The following PLA2G4C variants were observed in gnomAD, a reference collection of about 807,000 sequenced individuals.
PLA2G4C encodes phospholipase A2 group IVC, also known as cytosolic phospholipase A2 gamma.
In PLA2G4C, 64 loss-of-function variants were observed where a neutral mutation model predicts 73.8. The ratio of observed to expected loss-of-function variants is 0.87; its 90% CI spans 0.71 to 1.07. The LOEUF (loss-of-function observed/expected upper bound fraction) is 1.07. Among genes scored for constraint, PLA2G4C ranks in the 50% least tolerant of loss-of-function variants. PLA2G4C has a pLI of 0.00. For synonymous variants in PLA2G4C, 254 were observed against 252.1 expected (o/e 1.01, Z -0.07); for missense variants, 622 against 665.4 (o/e 0.93, Z 0.72).
intron 14 of PLA2G4C, among the ~76,000 whole-genome samples, chr19:48,059,424 G>A (rs958529853): frequency 6.6e-6 from 1 of 152,148 alleles, no homozygotes; most frequent in African/African-American, 2.4e-5. Context: ...AAGGGTGCCT[G>A]GAAAGCTGGT....
chr19:48,088,103 C>T (rs1210834258), intron 9 of PLA2G4C, among the ~76,000 whole-genome samples: 1 of 152,094 alleles, frequency 6.6e-6, no homozygotes, highest in Non-Finnish European at 1.5e-5. Flanking sequence ...AACCATCAAA[C>T]CAGTCAATAA....
chr19:48,048,363 G>A lies in PLA2G4C; in HGVS notation c.1606C>T (p.Arg536Ter), dbSNP rs149418455. Residue 536 changes from arginine (R) to a stop codon, truncating the protein, a stop_gained, in exon 17 of 17, where the codon CGA becomes TGA. Transcript: ENST00000599921. LOFTEE classifies it high-confidence loss of function. ...CTCATCTATGCCAAGCAGCAACTTCGGGCACTATCCTTCGGGTAGTAGAGC... is the reference window on the plus strand; with the variant it reads ...CTCATCTATGCCAAGCAGCAACTTCAGGCACTATCCTTCGGGTAGTAGAGC... ...AGLYYPKDSARSCCLA is the reference protein window; with the variant it reads ...AGLYYPKDSA 244 of 1,596,982 alleles carry A rather than the reference G, an allele frequency of 1.5e-4. No homozygotes were observed. In the African/African-American group the frequency reaches 2.9e-3, roughly 19 times the overall value.
intron 11 of PLA2G4C, among the ~76,000 whole-genome samples, chr19:48,076,540 C>T (rs867077587): frequency 2.0e-5 from 3 of 151,952 alleles, no homozygotes; most frequent in Non-Finnish European, 2.9e-5. Context: ...GTCAGGAGTT[C>T]GAGAGTAGCC....
intron 5 of PLA2G4C, 120 bp downstream of exon 5, chr19:48,099,551 G>A (rs1178655812): frequency 4.5e-6 from 3 of 667,138 alleles, no homozygotes; most frequent in Non-Finnish European, 7.6e-6. Flanking sequence ...CCCAGATTTT[G>A]ATGACTTGAA....
chr19:48,089,113 T>C (rs778247729), intron 8 of PLA2G4C, among the ~76,000 whole-genome samples: 2 of 152,296 alleles, frequency 1.3e-5, no homozygotes, highest in East Asian at 3.9e-4. Flanking sequence ...TTAACCAAGC[T>C]ATGGTGAACA....
chr19:48,084,249 G>T (rs1048401261), intron 10 of PLA2G4C, among the ~76,000 whole-genome samples: 1 of 152,006 alleles, frequency 6.6e-6, no homozygotes, highest in Non-Finnish European at 1.5e-5. Flanking sequence ...TAGTAGAGAC[G>T]CATTTTCACC....
chr19:48,068,062 G>A, intron 12 of PLA2G4C, 176 bp from the exon 13 acceptor site: 4 of 588,786 alleles, frequency 6.8e-6, no homozygotes, highest in Non-Finnish European at 9.2e-6. Context: ...CCAGCACTTT[G>A]GGAGGCCGAG....
chr19:48,071,607 A>G (rs530516492), intron 12 of PLA2G4C, among the ~76,000 whole-genome samples: 149 of 151,518 alleles, frequency 9.8e-4, no homozygotes, highest in African/African-American at 3.5e-3. Context: ...ATTCTATCTT[A>G]TATTTTTATT....
At chr19:48,096,280 G>A (rs993448295) in intron 6 of PLA2G4C, among the ~76,000 whole-genome samples, 5 of 152,120 alleles carry the variant, frequency 3.3e-5, no homozygotes, top group Non-Finnish European at 7.4e-5. Flanking sequence ...TCCACACCGA[G>A]GAGAGAGATA....
Position 48,099,663 on chromosome 19 carries a change from T to C in PLA2G4C, c.447+8A>G. On this transcript the variant is annotated splice_region_variant and intron_variant, in intron 5 of 16. Coordinates refer to ENST00000599921, the MANE Select transcript of PLA2G4C (RefSeq NM_003706.3). The stretch of plus-strand genomic sequence containing the variant: ...CCCACCCCAGGTCCCCAGCTGGGAA[T>C]GACTTACTTCTCTGGTTTGCTTAGA... The C allele has an allele frequency of 6.2e-7, 1 of 1,608,482 alleles. No homozygotes were observed. The highest frequency in any genetic ancestry group is 8.5e-7 in the Non-Finnish European group (1 of 1,176,470).
chr19:48,079,083 G>A (rs1410873156), intron 10 of PLA2G4C, among the ~76,000 whole-genome samples: 4 of 152,008 alleles, frequency 2.6e-5, no homozygotes, highest in Non-Finnish European at 5.9e-5. Flanking sequence ...GGCCAGGCTG[G>A]TCTCAAACTC....
chr19:48,076,920 C>T (rs1012489009), intron 11 of PLA2G4C, among the ~76,000 whole-genome samples: 7 of 152,082 alleles, frequency 4.6e-5, no homozygotes, highest in African/African-American at 9.7e-5. Flanking sequence ...GGTTTCTTTG[C>T]GCAGCATAGC....
Position 48,054,956 on chromosome 19 carries a change from C to CG in PLA2G4C, c.1350dup (p.Ala451ArgfsTer28). ...TCTCCTTTCAGGATGTAGCAGCTGG[C>CG]GGGGGCCTTGGACCACAAATCCAGC... On this transcript the variant is annotated frameshift_variant, in exon 15 of 17. Transcript: ENST00000599921. LOFTEE classifies it high-confidence loss of function. The CG allele has an allele frequency of 6.2e-7, 1 of 1,613,802 alleles. No homozygotes were observed. The highest frequency in any genetic ancestry group is 8.5e-7 in the Non-Finnish European group (1 of 1,179,962).
chr19:48,054,563 C>T lies in PLA2G4C; in HGVS notation c.1429+315G>A, dbSNP rs11564646. 1.0e-3 allele frequency among the ~76,000 whole-genome samples: 152 copies of T among 152,064 alleles called. 4 individuals are homozygous for T. In the South Asian group the frequency reaches 0.029, roughly 29 times the overall value. On this transcript the variant is annotated intron_variant, in intron 15 of 16. Transcript: ENST00000599921. ...ATCTCCTGACCTTGTGATCCGCCCGCCTCAGCCTCCCAAAGTGCTGGGATT... is the reference window on the plus strand; with the variant it reads ...ATCTCCTGACCTTGTGATCCGCCCGTCTCAGCCTCCCAAAGTGCTGGGATT...
chr19:48,095,928 G>C (rs989425724), intron 6 of PLA2G4C, among the ~76,000 whole-genome samples: 5 of 152,114 alleles, frequency 3.3e-5, no homozygotes, highest in Non-Finnish European at 5.9e-5. Flanking sequence ...CCACACGATT[G>C]CATGGAGGAT....
chr19:48,098,542 C>G (rs939693059), intron 5 of PLA2G4C, among the ~76,000 whole-genome samples: 3 of 151,146 alleles, frequency 2.0e-5, no homozygotes, highest in Non-Finnish European at 4.4e-5. Flanking sequence ...AGGCTGGTCT[C>G]GAACTCATGG....
In PLA2G4C at chr19:48,085,108, T is replaced by C; in HGVS notation, c.795A>G (p.Leu265=). ...DQLRNLTLKG[L]WRRAVANAKS... ...TAGCATTAGCAACAGCCCTTCTCCATAAACCTGCCAAGAAAATAGCAATAA... is the reference window on the plus strand; with the variant it reads ...TAGCATTAGCAACAGCCCTTCTCCACAAACCTGCCAAGAAAATAGCAATAA... The change falls in exon 10 of 17, where the codon TTA becomes TTG. Residue 265 remains leucine (L), a synonymous_variant. Transcript: ENST00000599921. 1.2e-6 allele frequency: 2 copies of C among 1,609,756 alleles called. No individual in the cohort carries two copies. The highest frequency in any genetic ancestry group is 1.7e-6 in the Non-Finnish European group (2 of 1,176,056).
chr19:48,061,673 G>A, intron 14 of PLA2G4C: 1 of 306,412 alleles, frequency 3.3e-6, no homozygotes, highest in Non-Finnish European at 6.2e-6. Context: ...GCACACCCGG[G>A]GAAGGAGGTG....
intron 1 of PLA2G4C, among the ~76,000 whole-genome samples, chr19:48,108,275 C>T (rs760648736): frequency 4.6e-5 from 7 of 152,136 alleles, no homozygotes; most frequent in Non-Finnish European, 1.0e-4. Flanking sequence ...GCTGGGACTA[C>T]AGGCATGCAC....
Sources: allele counts gnomAD v4.1 joint callset (sites outside exome capture counted in the v4.1 genomes callset), GRCh38; gene constraint gnomAD v4.1.1; transcripts MANE v1.5; gene names NCBI Gene and HGNC (gene_info 2026-07-23, HGNC 2026-07-21).